The following CAMK1D variants were observed in gnomAD, a reference collection of about 807,000 sequenced individuals.
CAMK1D encodes the protein calcium/calmodulin dependent protein kinase ID.
In CAMK1D, 9 loss-of-function variants were observed where a neutral mutation model predicts 47.7. The observed-to-expected ratio is 0.19, with a 90% confidence interval of 0.11 to 0.33. The LOEUF is 0.33. Ranked by LOEUF, CAMK1D falls within the 10% of genes least tolerant of loss-of-function variation. The probability of loss-of-function intolerance (pLI) is 1.00; values close to 1 mark genes in which losing one functional copy is unlikely to be tolerated. For missense variants in CAMK1D, 291 were observed against 488.7 expected (o/e 0.60, Z 3.81); for synonymous variants, 184 against 184.9 (o/e 0.99, Z 0.04).
intron 1 of CAMK1D, among the ~76,000 whole-genome samples, chr10:12,412,437 C>T (rs566984653): frequency 7.7e-6 from 1 of 130,218 alleles, no homozygotes; most frequent in African/African-American, 2.9e-5. Flanking sequence ...TGGCAAAACC[C>T]TGTCTTTACT....
intron 5 of CAMK1D, 89 bp from the exon 6 acceptor site, chr10:12,791,069 A>G: frequency 8.7e-7 from 1 of 1,156,058 alleles, no homozygotes; most frequent in African/African-American, 1.5e-5. Flanking sequence ...ACTCACTGAA[A>G]GTTCAGGCCA....
chr10:12,525,629 CT>C (rs1835596800), intron 1 of CAMK1D, among the ~76,000 whole-genome samples: 1 of 152,172 alleles, frequency 6.6e-6, no homozygotes, highest in South Asian at 2.1e-4. Flanking sequence ...AGTGTTCCCA[CT>C]TACTTAGGGA....
At chr10:12,424,248 C>T (rs1840152425) in intron 1 of CAMK1D, among the ~76,000 whole-genome samples, 1 of 152,088 alleles carries the variant, frequency 6.6e-6, no homozygotes, top group African/African-American at 2.4e-5. Context: ...CCATTGTCCC[C>T]TCCCTCTCCC....
intron 1 of CAMK1D, among the ~76,000 whole-genome samples, chr10:12,480,421 C>G (rs1321119808): frequency 2.0e-5 from 3 of 150,950 alleles, no homozygotes; most frequent in Non-Finnish European, 3.0e-5. Flanking sequence ...AGCGACAGAG[C>G]AAGACTCCAT....
In CAMK1D at chr10:12,691,398, TATATAAATATATATATATA is replaced by T. The variant is rs1832908243; in HGVS notation, c.299+24589_299+24607del. 9.7e-4 allele frequency among the ~76,000 whole-genome samples: 7 copies of T among 7,226 alleles called. 1 individual carries two copies. Among genetic ancestry groups the T allele is most frequent in the Non-Finnish European group, 1.6e-3 (6 of 3,734 alleles). 4.7% of individuals were successfully genotyped at this position (7,226 alleles called of 152,430 possible). On this transcript the variant is annotated intron_variant, in intron 3 of 10. Transcript: ENST00000619168. ...ATATAAATATATATATATATATATA[TATATAAATATATATATATA>T]TATATTTTTTTTTTTTTTTTTTTTT...
At chr10:12,497,347 C>T (rs539007260) in intron 1 of CAMK1D, among the ~76,000 whole-genome samples, 8 of 151,800 alleles carry the variant, frequency 5.3e-5, no homozygotes, top group East Asian at 3.9e-4. Flanking sequence ...TGTGGTAGTG[C>T]GTGCCTGTAG....
At chr10:12,565,783 G>A (rs1299422078) in intron 2 of CAMK1D, among the ~76,000 whole-genome samples, 1 of 152,062 alleles carries the variant, frequency 6.6e-6, no homozygotes, top group Non-Finnish European at 1.5e-5. Flanking sequence ...GGTAATATGT[G>A]GAGAGGAAGT....
At chr10:12,719,189 C>T (rs944132071) in intron 3 of CAMK1D, among the ~76,000 whole-genome samples, 3 of 151,776 alleles carry the variant, frequency 2.0e-5, no homozygotes, top group African/African-American at 4.8e-5. Flanking sequence ...GGTGGATCAC[C>T]TGAGGTCAGG....
At chr10:12,714,787 C>CAG (rs967889595) in intron 3 of CAMK1D, among the ~76,000 whole-genome samples, 1 of 151,552 alleles carries the variant, frequency 6.6e-6, no homozygotes, top group Admixed American at 6.6e-5. Flanking sequence ...CACACACACA[C>CAG]ACACACACAC....
intron 1 of CAMK1D, among the ~76,000 whole-genome samples, chr10:12,359,148 G>A (rs1837591085): frequency 6.6e-6 from 1 of 152,108 alleles, no homozygotes; most frequent in Admixed American, 6.5e-5. Context: ...ATGGCTTTGG[G>A]CCAATTATTT....
At chr10:12,425,616 T>C (rs911141897) in intron 1 of CAMK1D, among the ~76,000 whole-genome samples, 1 of 152,192 alleles carries the variant, frequency 6.6e-6, no homozygotes, top group East Asian at 1.9e-4. Context: ...CCAGAACCTC[T>C]TCTTAGCCCT....
chr10:12,463,914 TCTC>T (rs1307424055), intron 1 of CAMK1D, among the ~76,000 whole-genome samples: 2 of 152,086 alleles, frequency 1.3e-5, no homozygotes, highest in African/African-American at 4.8e-5. Context: ...CTGCGTTCCT[TCTC>T]CTTCCTGCCG....
chr10:12,720,162 A>C (rs760761002), intron 3 of CAMK1D, among the ~76,000 whole-genome samples: 1 of 152,244 alleles, frequency 6.6e-6, no homozygotes, highest in Non-Finnish European at 1.5e-5. Flanking sequence ...GGAGGTGAAC[A>C]ACAGAGCCAC....
intron 6 of CAMK1D, among the ~76,000 whole-genome samples, chr10:12,798,379 G>T (rs1340644200): frequency 6.6e-6 from 1 of 152,228 alleles, no homozygotes. Context: ...CCTGGCCTAG[G>T]AGGCACTTAC....
intron 1 of CAMK1D, among the ~76,000 whole-genome samples, chr10:12,539,727 C>T (rs1235875159): frequency 2.6e-5 from 4 of 152,140 alleles, no homozygotes; most frequent in Non-Finnish European, 5.9e-5. Flanking sequence ...CGAAGAGGTC[C>T]GCACAGGTGA....
chr10:12,726,388 G>T (rs1304223388), intron 3 of CAMK1D, among the ~76,000 whole-genome samples: 1 of 151,732 alleles, frequency 6.6e-6, no homozygotes, highest in Non-Finnish European at 1.5e-5. Flanking sequence ...TGCACCACTG[G>T]ACTCCAGTCC....
At chr10:12,699,259 T>C (rs1023738014) in intron 3 of CAMK1D, among the ~76,000 whole-genome samples, 3 of 152,218 alleles carry the variant, frequency 2.0e-5, no homozygotes, top group Non-Finnish European at 4.4e-5. Context: ...GCCTTGAGTG[T>C]CCAAAAGAAC....
At chr10:12,776,296 G>T (rs1274282424) in intron 5 of CAMK1D, among the ~76,000 whole-genome samples, 1 of 152,262 alleles carries the variant, frequency 6.6e-6, no homozygotes, top group Non-Finnish European at 1.5e-5. Flanking sequence ...CTGGGAGGGT[G>T]CAGTTGTCTT....
At chr10:12,689,642 A>G (rs1832794699) in intron 3 of CAMK1D, among the ~76,000 whole-genome samples, 1 of 151,962 alleles carries the variant, frequency 6.6e-6, no homozygotes, top group South Asian at 2.1e-4. Flanking sequence ...CAGGCCTGGT[A>G]GTGCATGCCT....
Sources: allele counts gnomAD v4.1 joint callset (sites outside exome capture counted in the v4.1 genomes callset), GRCh38; gene constraint gnomAD v4.1.1; transcripts MANE v1.5; gene names NCBI Gene and HGNC (gene_info 2026-07-23, HGNC 2026-07-21).